TBC1D22B: variants seen among roughly 807,000 people sequenced by gnomAD.
TBC1D22B encodes TBC1 domain family member 22B.
In TBC1D22B, 32 loss-of-function variants were observed where a neutral mutation model predicts 69.1. That is an observed-to-expected ratio of 0.46 (90% CI 0.35 to 0.62). The LOEUF is 0.62. TBC1D22B is among the 20% of genes least tolerant of loss of function. TBC1D22B has a pLI of 0.00. For missense variants in TBC1D22B, 462 were observed against 630.9 expected (o/e 0.73, Z 2.87); for synonymous variants, 206 against 229.8 (o/e 0.90, Z 0.94).
In TBC1D22B at chr6:37,282,289, C is replaced by G; in HGVS notation, c.526C>G (p.Pro176Ala). The G allele has an allele frequency of 6.2e-7, 1 of 1,614,146 alleles. No individual in the cohort carries two copies. Among genetic ancestry groups the G allele is most frequent in the Non-Finnish European group, 8.5e-7 (1 of 1,180,014 alleles). Residue 176 changes from proline (P) to alanine (A), a missense_variant, in exon 4 of 13, where the codon CCC becomes GCC. By Grantham distance (27) the Pro-to-Ala change is conservative. This residue lies in a region of TBC1D22B where 237 missense variants were observed against 255.4 expected (regional missense o/e 0.93). Coordinates refer to ENST00000373491, the MANE Select transcript of TBC1D22B (RefSeq NM_017772.4). ...RISDQNASGA[P>A]PMTVREKTRL... ...CTCGGATCAGAACGCTTCTGGGGCC[C>G]CCCCAATGACTGTCCGGGAGAAAAC...
intron 1 of TBC1D22B, among the ~76,000 whole-genome samples, chr6:37,267,188 G>A (rs886656598): frequency 2.7e-5 from 4 of 150,308 alleles, no homozygotes; most frequent in South Asian, 2.1e-4. Context: ...TCACACCTCA[G>A]CATCCCAAAG....
At chr6:37,266,193 A>C (rs1766264935) in intron 1 of TBC1D22B, among the ~76,000 whole-genome samples, 1 of 152,140 alleles carries the variant, frequency 6.6e-6, no homozygotes, top group African/African-American at 2.4e-5. Flanking sequence ...CATGATACTA[A>C]ATCAGAAAGG....
chr6:37,286,321 CTT>C (rs34349373), intron 6 of TBC1D22B, among the ~76,000 whole-genome samples: 1 of 145,750 alleles, frequency 6.9e-6, no homozygotes, highest in African/African-American at 2.5e-5. Context: ...ATTTCCATTT[CTT>C]TTTTTTTTTT....
chr6:37,259,032 A>T (rs1198419692), intron 1 of TBC1D22B, among the ~76,000 whole-genome samples: 63 of 92,036 alleles, frequency 6.8e-4, no homozygotes, highest in African/African-American at 2.0e-3. Flanking sequence ...TTTTTTTTTT[A>T]AATGAAATAG....
intron 1 of TBC1D22B, among the ~76,000 whole-genome samples, chr6:37,260,181 G>A (rs1330325534): frequency 3.9e-5 from 6 of 152,138 alleles, no homozygotes; most frequent in African/African-American, 1.4e-4. Flanking sequence ...GAAAATGTTA[G>A]GGCATTTTCT....
At chr6:37,303,306 T>A (rs1173011978) in intron 8 of TBC1D22B, among the ~76,000 whole-genome samples, 1 of 152,176 alleles carries the variant, frequency 6.6e-6, no homozygotes, top group East Asian at 1.9e-4. Context: ...CAGGCACCCT[T>A]TTCTCTTAGT....
chr6:37,276,851 A>G (rs187869539), intron 2 of TBC1D22B, among the ~76,000 whole-genome samples: 563 of 152,254 alleles, frequency 3.7e-3, no homozygotes, highest in Non-Finnish European at 6.8e-3. Context: ...AGATCGCACC[A>G]CTGCACTCCA....
At chr6:37,292,221 A>G (rs1181801132) in intron 8 of TBC1D22B, among the ~76,000 whole-genome samples, 1 of 151,948 alleles carries the variant, frequency 6.6e-6, no homozygotes, top group Non-Finnish European at 1.5e-5. Flanking sequence ...CATTTTCTTT[A>G]GACTCTGAGG....
intron 3 of TBC1D22B, 137 bp downstream of exon 3, chr6:37,279,748 A>G (rs1766769923): frequency 6.2e-6 from 6 of 966,020 alleles, no homozygotes; most frequent in East Asian, 2.6e-5. Context: ...GAGATGTGAC[A>G]TCATTAAGCC....
In TBC1D22B at chr6:37,331,246, C is replaced by A; in HGVS notation, c.*74C>A. The stretch of plus-strand genomic sequence containing the variant: ...CTGATCACTGTGGCCACTGTGCGAG[C>A]CGTGGACCCCGGCCAGGAACCACTC... On this transcript the variant is annotated 3_prime_UTR_variant, in exon 13 of 13. Coordinates refer to ENST00000373491, the MANE Select transcript of TBC1D22B (RefSeq NM_017772.4). The A allele has an allele frequency of 1.3e-6, 2 of 1,505,726 alleles. No homozygotes were observed. Among genetic ancestry groups the A allele is most frequent in the Non-Finnish European group, 1.8e-6 (2 of 1,091,154 alleles). The allele number at this position is 1,505,726 out of a possible 1,614,324, so 93.3% of individuals were successfully genotyped here. A position where few individuals can be genotyped will look rare whatever the true frequency, so the allele number is the denominator to read the frequency against.
At chr6:37,303,787 C>A (rs544688282) in intron 8 of TBC1D22B, among the ~76,000 whole-genome samples, 1 of 152,212 alleles carries the variant, frequency 6.6e-6, no homozygotes, top group African/African-American at 2.4e-5. Context: ...CTTTAAGACT[C>A]CCCTTCCTCC....
intron 8 of TBC1D22B, among the ~76,000 whole-genome samples, chr6:37,296,337 C>G (rs950275934): frequency 6.6e-6 from 1 of 152,162 alleles, no homozygotes; most frequent in Non-Finnish European, 1.5e-5. Flanking sequence ...GGATCTCACT[C>G]TGTCACCCAG....
chr6:37,303,951 G>C (rs576530023), intron 8 of TBC1D22B, among the ~76,000 whole-genome samples: 1 of 152,320 alleles, frequency 6.6e-6, no homozygotes, highest in South Asian at 2.1e-4. Flanking sequence ...TGAGGCCAAA[G>C]AGTATTTTAA....
intron 8 of TBC1D22B, among the ~76,000 whole-genome samples, chr6:37,294,284 C>A (rs1344743257): frequency 4.0e-5 from 6 of 150,354 alleles, no homozygotes; most frequent in African/African-American, 1.5e-4. Flanking sequence ...AATCCTCCTG[C>A]CCCTCCGAGT....
chr6:37,318,307 TG>T, intron 12 of TBC1D22B, among the ~76,000 whole-genome samples: 1 of 152,108 alleles, frequency 6.6e-6, no homozygotes, highest in African/African-American at 2.4e-5. Flanking sequence ...CAGAAAGGGG[TG>T]AGTCTGGATG....
Position 37,331,108 on chromosome 6 carries a change from T to G in TBC1D22B, c.1454T>G (p.Leu485Arg). The change falls in exon 13 of 13, where the codon CTT (leucine) becomes CGT (arginine). Residue 485 changes from leucine to arginine, a missense_variant. Transcript: ENST00000373491. ...TGGGGCAACGAAGAAATTGGGCTGCTTCTCGCCGAGGCATACAGACTCAAG... is the reference window on the plus strand; with the variant it reads ...TGGGGCAACGAAGAAATTGGGCTGCGTCTCGCCGAGGCATACAGACTCAAG... ...IHWGNEEIGL[L>R]LAEAYRLKYM... 1 of 1,614,200 alleles carries G rather than the reference T, an allele frequency of 6.2e-7. No individual in the cohort carries two copies. The highest frequency in any genetic ancestry group is 8.5e-7 in the Non-Finnish European group (1 of 1,180,028).
intron 3 of TBC1D22B, 66 bp from the exon 4 acceptor site, chr6:37,282,119 T>C: frequency 6.4e-7 from 1 of 1,563,872 alleles, no homozygotes; most frequent in Non-Finnish European, 8.8e-7. Context: ...AACGGTTAGG[T>C]TTAAGGCTTC....
intron 8 of TBC1D22B, among the ~76,000 whole-genome samples, chr6:37,307,047 G>A (rs978266524): frequency 4.6e-5 from 7 of 152,172 alleles, no homozygotes; most frequent in Admixed American, 3.9e-4. Context: ...TTAGCGAGGG[G>A]CCTCTCCACC....
intron 5 of TBC1D22B, among the ~76,000 whole-genome samples, chr6:37,283,666 T>C (rs1057103473): frequency 6.6e-6 from 1 of 152,246 alleles, no homozygotes; most frequent in Non-Finnish European, 1.5e-5. Flanking sequence ...TCTAATAAGT[T>C]TGAATACTAT....
Sources: allele counts gnomAD v4.1 joint callset (sites outside exome capture counted in the v4.1 genomes callset), GRCh38; gene constraint gnomAD v4.1.1; regional missense constraint gnomAD v4.1.1; transcripts MANE v1.5; gene names NCBI Gene and HGNC (gene_info 2026-07-23, HGNC 2026-07-21).